STEAP1: variants seen among roughly 807,000 people sequenced by gnomAD.
The protein encoded by STEAP1 is STEAP1 protein.
A neutral mutation model predicts 34.4 loss-of-function variants in STEAP1; 30 were observed. The ratio of observed to expected loss-of-function variants is 0.87; its 90% CI spans 0.65 to 1.18. The LOEUF is 1.18. STEAP1 is among the 50% of genes most tolerant of loss of function. The pLI, the probability that STEAP1 is intolerant of heterozygous loss-of-function variation, is 0.00. For synonymous variants in STEAP1, 116 were observed against 135.3 expected (o/e 0.86, Z 0.99); for missense variants, 318 against 391.1 (o/e 0.81, Z 1.58).
At position 90,162,076 on chromosome 7, in the gene STEAP1, C is replaced by G; in HGVS notation, c.760C>G (p.Gln254Glu). ...SLTWREFHYIQSKLGIVSLLL... is the reference protein window; with the variant it reads ...SLTWREFHYIESKLGIVSLLL... ...GACATGGAGAGAATTTCACTATATTCAGGTAAATAATATATAAAATAACCC... is the reference window on the plus strand; with the variant it reads ...GACATGGAGAGAATTTCACTATATTGAGGTAAATAATATATAAAATAACCC... The change falls in exon 4 of 5, where the codon CAG (glutamine) becomes GAG (glutamate). Residue 254 changes from glutamine (Q) to glutamate (E), a missense_variant and splice_region_variant. Physicochemically the swap from Gln to Glu is conservative, Grantham distance 29. Coordinates refer to ENST00000297205, the MANE Select transcript of STEAP1 (RefSeq NM_012449.3). 1.3e-6 allele frequency: 2 copies of G among 1,598,666 alleles called. No homozygotes were observed. Among genetic ancestry groups the G allele is most frequent in the Non-Finnish European group, 1.7e-6 (2 of 1,174,934 alleles).
chr7:90,163,548 C>T lies in STEAP1; in HGVS notation c.763-929C>T, dbSNP rs139256453. Among the ~76,000 whole-genome samples, 759 of 152,324 alleles carry T rather than the reference C, an allele frequency of 5.0e-3. 7 individuals carry two copies. The highest frequency in any genetic ancestry group is 0.017 in the African/African-American group (724 of 41,562). ...TAAAATCTGAGAACTGGTTACACTA[C>T]AAGTTACCTTGGAGATTCATATATG... On this transcript the variant is annotated intron_variant, in intron 4 of 4. Transcript: ENST00000297205.
At chr7:90,162,362 T>C (rs886397369) in intron 4 of STEAP1, 1 of 340,624 alleles carries the variant, frequency 2.9e-6, no homozygotes, top group Admixed American at 5.0e-5. Flanking sequence ...GAAGTCTCGC[T>C]CTGTTGCCCA....
chr7:90,159,843 A>G lies in STEAP1; in HGVS notation c.55A>G (p.Arg19Gly). 1 of 1,561,042 alleles carries G rather than the reference A, an allele frequency of 6.4e-7. No homozygotes were observed. Among genetic ancestry groups the G allele is most frequent in the Non-Finnish European group, 8.6e-7 (1 of 1,156,106 alleles). The change falls in exon 2 of 5, where the codon AGG (arginine) becomes GGG (glycine). Residue 19 changes from arginine to glycine, a missense_variant. Arg to Gly is a moderately radical substitution (Grantham distance 125). Transcript: ENST00000297205. ...AGAAGAACTTTGGAAAATGAAGCCTAGGAGAAATTTAGAAGAAGACGATTA... is the reference window on the plus strand; with the variant it reads ...AGAAGAACTTTGGAAAATGAAGCCTGGGAGAAATTTAGAAGAAGACGATTA... The part of the protein sequence containing the change: ...NQEELWKMKP[R>G]RNLEEDDYLH...
In STEAP1 at chr7:90,164,758, G is replaced by T; in HGVS notation, c.*24G>T. The T allele has an allele frequency of 1.3e-6, 2 of 1,568,222 alleles. No individual in the cohort carries two copies. The highest frequency in any genetic ancestry group is 1.7e-6 in the Non-Finnish European group (2 of 1,157,944). On this transcript the variant is annotated 3_prime_UTR_variant, in exon 5 of 5. Transcript: ENST00000297205. Reference sequence around the variant, plus strand: ...AGAATTACTGTTTACACACATTTTTGTTCAATATTGATATATTTTATCACC... The same window carrying T: ...AGAATTACTGTTTACACACATTTTTTTTCAATATTGATATATTTTATCACC...
chr7:90,155,905 G>T (rs1485667115), intron 1 of STEAP1, among the ~76,000 whole-genome samples: 2 of 152,162 alleles, frequency 1.3e-5, no homozygotes, highest in Non-Finnish European at 2.9e-5. Flanking sequence ...GGGTCTAGAA[G>T]ACAGCGCTGA....
At position 90,161,308 on chromosome 7, in the gene STEAP1, A is replaced by G; in HGVS notation, c.588A>G (p.Ala196=). The G allele has an allele frequency of 6.2e-7, 1 of 1,612,150 alleles. No individual in the cohort carries two copies. The highest frequency in any genetic ancestry group is 8.5e-7 in the Non-Finnish European group (1 of 1,178,704). ...ACAGATACAAGTTGCTAAACTGGGCATATCAACAGGTAAGATGACAGTGTT... is the reference window on the plus strand; with the variant it reads ...ACAGATACAAGTTGCTAAACTGGGCGTATCAACAGGTAAGATGACAGTGTT... The part of the protein sequence containing the change: ...RSYRYKLLNW[A]YQQVQQNKED... Residue 196 remains alanine (A), a synonymous_variant, in exon 3 of 5, where the codon GCA becomes GCG. Coordinates refer to ENST00000297205, the MANE Select transcript of STEAP1 (RefSeq NM_012449.3).
chr7:90,164,040 A>C (rs1409099135), intron 4 of STEAP1, among the ~76,000 whole-genome samples: 1 of 152,212 alleles, frequency 6.6e-6, no homozygotes, highest in African/African-American at 2.4e-5. Flanking sequence ...TATTTAATTG[A>C]GAATCTAAAA....
chr7:90,162,312 G>GTTTT (rs1331208891), intron 4 of STEAP1: 14 of 570,306 alleles, frequency 2.5e-5, no homozygotes, highest in Non-Finnish European at 2.5e-5. Flanking sequence ...TTTTTTTTTT[G>GTTTT]TTTGTTTGTT....
In STEAP1 at chr7:90,164,676, G is replaced by A; in HGVS notation, c.962G>A (p.Arg321Lys). Residue 321 changes from arginine (R) to lysine (K), a missense_variant, in exon 5 of 5, where the codon AGA becomes AAA. Coordinates refer to ENST00000297205, the MANE Select transcript of STEAP1 (RefSeq NM_012449.3). ...PCLRKKILKI[R>K]HGWEDVTKIN... ...TTGAGGAAGAAGATACTGAAGATTA[G>A]ACATGGTTGGGAAGACGTCACCAAA... 6.2e-7 allele frequency: 1 copy of A among 1,613,620 alleles called. No individual in the cohort carries two copies. Among genetic ancestry groups the A allele is most frequent in the East Asian group, 2.2e-5 (1 of 44,826 alleles).
intron 1 of STEAP1, among the ~76,000 whole-genome samples, chr7:90,155,109 A>G (rs1794103359): frequency 6.6e-6 from 1 of 152,204 alleles, no homozygotes; most frequent in South Asian, 2.1e-4. Flanking sequence ...AGGTGTTTGT[A>G]GACATAAATT....
chr7:90,163,121 C>T (rs1027582368), intron 4 of STEAP1: 13 of 323,056 alleles, frequency 4.0e-5, no homozygotes, highest in African/African-American at 1.7e-4. Context: ...GTCAGACATT[C>T]GCAACTATCC....
At chr7:90,154,807 G>A (rs1402235780) in intron 1 of STEAP1, among the ~76,000 whole-genome samples, 1 of 152,202 alleles carries the variant, frequency 6.6e-6, no homozygotes, top group Non-Finnish European at 1.5e-5. Flanking sequence ...AAGCCTTTTC[G>A]CTAGGGGCTT....
chr7:90,164,738 T>TA lies in STEAP1; in HGVS notation c.*5dup, dbSNP rs1794232824. 1 of 1,603,680 alleles carries TA rather than the reference T, an allele frequency of 6.2e-7. No individual in the cohort carries two copies. Among genetic ancestry groups the TA allele is most frequent in the African/African-American group, 1.3e-5 (1 of 74,618 alleles). On this transcript the variant is annotated 3_prime_UTR_variant, in exon 5 of 5. Transcript: ENST00000297205. Reference sequence around the variant, plus strand: ...TGAGATATGTTCCCAGTTGTAGAATTACTGTTTACACACATTTTTGTTCAA... The same window carrying TA: ...TGAGATATGTTCCCAGTTGTAGAATTAACTGTTTACACACATTTTTGTTCAA...
At chr7:90,154,770 G>A (rs1236968918) in intron 1 of STEAP1, among the ~76,000 whole-genome samples, 3 of 152,194 alleles carry the variant, frequency 2.0e-5, no homozygotes, top group Non-Finnish European at 1.5e-5. Context: ...CCGGGCCGGG[G>A]GTTGGGGAGA....
chr7:90,162,732 T>C (rs1794203065), intron 4 of STEAP1, among the ~76,000 whole-genome samples: 1 of 152,194 alleles, frequency 6.6e-6, no homozygotes, highest in Non-Finnish European at 1.5e-5. Flanking sequence ...AAAAAAATAT[T>C]CTTTTACCTG....
intron 1 of STEAP1, among the ~76,000 whole-genome samples, chr7:90,157,559 G>A (rs1794132163): frequency 6.6e-6 from 1 of 152,196 alleles, no homozygotes; most frequent in Non-Finnish European, 1.5e-5. Context: ...GGGAATGAGC[G>A]TTACTATTTT....
intron 2 of STEAP1, among the ~76,000 whole-genome samples, chr7:90,160,598 C>G (rs1273619675): frequency 6.6e-6 from 1 of 150,658 alleles, no homozygotes; most frequent in African/African-American, 2.4e-5. Context: ...TCTTACCTGT[C>G]TGAAGCATGT....
intron 4 of STEAP1, 105 bp from the exon 5 acceptor site, chr7:90,164,372 A>G (rs1292416585): frequency 2.3e-6 from 3 of 1,300,886 alleles, no homozygotes; most frequent in Non-Finnish European, 3.1e-6. Context: ...ATAGGAAAAC[A>G]ATCATAGATA....
intron 1 of STEAP1, among the ~76,000 whole-genome samples, chr7:90,158,917 G>A (rs1248739996): frequency 6.6e-6 from 1 of 152,054 alleles, no homozygotes; most frequent in Non-Finnish European, 1.5e-5. Flanking sequence ...AGAAACACTT[G>A]GGATATTTTC....
Sources: allele counts gnomAD v4.1 joint callset (sites outside exome capture counted in the v4.1 genomes callset), GRCh38; gene constraint gnomAD v4.1.1; transcripts MANE v1.5; gene names NCBI Gene and HGNC (gene_info 2026-07-23, HGNC 2026-07-21).